The following MAGI2 variants were observed in gnomAD, a reference collection of about 807,000 sequenced individuals.
MAGI2 encodes membrane-associated guanylate kinase, WW and PDZ domain-containing protein 2.
A neutral mutation model predicts 133.3 loss-of-function variants in MAGI2; 35 were observed. The ratio of observed to expected loss-of-function variants is 0.26; its 90% confidence interval spans 0.20 to 0.35. The LOEUF (loss-of-function observed/expected upper bound fraction) is 0.35. Among genes scored for constraint, MAGI2 ranks in the 10% least tolerant of loss-of-function variants. The pLI, the probability that MAGI2 is intolerant of heterozygous loss-of-function variation, is 1.00. For missense variants in MAGI2, 1,636 were observed against 1,863.4 expected (o/e 0.88, Z 2.25); for synonymous variants, 729 against 710.6 (o/e 1.03, Z -0.41).
At chr7:79,061,252 C>T (rs1813698184) in intron 1 of MAGI2, among the ~76,000 whole-genome samples, 1 of 151,464 alleles carries the variant, frequency 6.6e-6, no homozygotes, top group Non-Finnish European at 1.5e-5. Flanking sequence ...ATTGTTAATG[C>T]TTACCTATCA....
At chr7:78,525,942 C>T (rs1796912457) in intron 3 of MAGI2, among the ~76,000 whole-genome samples, 1 of 152,082 alleles carries the variant, frequency 6.6e-6, no homozygotes, top group Non-Finnish European at 1.5e-5. Flanking sequence ...ATTAATGATA[C>T]TAAAAGGATA....
chr7:79,160,074 C>G (rs1824208215), intron 1 of MAGI2, among the ~76,000 whole-genome samples: 1 of 152,028 alleles, frequency 6.6e-6, no homozygotes, highest in Non-Finnish European at 1.5e-5. Flanking sequence ...TAAATTTCAT[C>G]TCAAAACCCT....
chr7:78,434,479 C>T (rs1044964847), intron 6 of MAGI2, among the ~76,000 whole-genome samples: 2 of 152,080 alleles, frequency 1.3e-5, no homozygotes, highest in East Asian at 3.9e-4. Context: ...TGGGCAGCTC[C>T]CCCTGGTGAG....
At chr7:78,241,272 A>G (rs1791106797) in intron 10 of MAGI2, among the ~76,000 whole-genome samples, 1 of 152,190 alleles carries the variant, frequency 6.6e-6, no homozygotes, top group Admixed American at 6.5e-5. Context: ...CAGTCAGAAG[A>G]TTCAGGTGTG....
chr7:79,126,651 G>A (rs1386591219), intron 1 of MAGI2, among the ~76,000 whole-genome samples: 3 of 151,906 alleles, frequency 2.0e-5, no homozygotes, highest in African/African-American at 7.2e-5. Context: ...TTCATTCATA[G>A]GTGCCTGAAA....
chr7:78,408,016 C>A (rs1797542948), intron 6 of MAGI2, among the ~76,000 whole-genome samples: 1 of 152,088 alleles, frequency 6.6e-6, no homozygotes, highest in Non-Finnish European at 1.5e-5. Context: ...GATAGTCTAA[C>A]TTTTCTGCCT....
At chr7:78,239,320 T>C (rs1289104611) in intron 10 of MAGI2, among the ~76,000 whole-genome samples, 2 of 151,936 alleles carry the variant, frequency 1.3e-5, no homozygotes, top group Admixed American at 6.6e-5. Context: ...GAAGAAAACA[T>C]AGGGGAAAAG....
intron 1 of MAGI2, among the ~76,000 whole-genome samples, chr7:79,311,405 C>T (rs1838281435): frequency 6.6e-6 from 1 of 152,118 alleles, no homozygotes; most frequent in African/African-American, 2.4e-5. Flanking sequence ...TGTTGTGCTG[C>T]ATTCAAAGTC....
At chr7:78,076,599 C>G (rs1255018525) in intron 21 of MAGI2, among the ~76,000 whole-genome samples, 1 of 151,586 alleles carries the variant, frequency 6.6e-6, no homozygotes, top group Non-Finnish European at 1.5e-5. Flanking sequence ...GTAATCCCAG[C>G]ACTTTGGGAG....
chr7:78,707,554 C>A (rs1313684135), intron 2 of MAGI2, among the ~76,000 whole-genome samples: 1 of 152,084 alleles, frequency 6.6e-6, no homozygotes, highest in African/African-American at 2.4e-5. Flanking sequence ...TATTTCTCTA[C>A]TTAGAAATTC....
At chr7:79,012,076 TC>T (rs1247218256) in intron 1 of MAGI2, 1 of 152,068 alleles carries the variant, frequency 6.6e-6, no homozygotes, top group East Asian at 1.9e-4. Context: ...TCAAAATGTT[TC>T]TTCCAGGAAA....
At chr7:79,064,068 T>C (rs541559560) in intron 1 of MAGI2, among the ~76,000 whole-genome samples, 3 of 152,084 alleles carry the variant, frequency 2.0e-5, no homozygotes, top group Non-Finnish European at 2.9e-5. Context: ...TGAGAAATTA[T>C]GTCTTTTGAG....
chr7:79,304,610 C>T (rs766570799), intron 1 of MAGI2, among the ~76,000 whole-genome samples: 14 of 152,118 alleles, frequency 9.2e-5, no homozygotes, highest in Non-Finnish European at 2.1e-4. Flanking sequence ...TTAGTCTGAG[C>T]CCAGCTCTTC....
chr7:78,155,289 A>G (rs1584177082), intron 16 of MAGI2, among the ~76,000 whole-genome samples: 1 of 152,320 alleles, frequency 6.6e-6, no homozygotes, highest in East Asian at 1.9e-4. Context: ...CAACATGCCC[A>G]GGATGCTTCC....
intron 6 of MAGI2, among the ~76,000 whole-genome samples, chr7:78,433,921 TTGAA>T (rs2151437814): frequency 1.3e-5 from 2 of 152,224 alleles, no homozygotes; most frequent in Admixed American, 1.3e-4. Context: ...TAGCTAATCA[TTGAA>T]TGAATGATTG....
At chr7:79,307,635 T>C (rs1837930005) in intron 1 of MAGI2, among the ~76,000 whole-genome samples, 1 of 152,188 alleles carries the variant, frequency 6.6e-6, no homozygotes, top group South Asian at 2.1e-4. Flanking sequence ...GAGGATATGA[T>C]ATAATCAGGA....
chr7:78,995,184 C>G (rs1260688498), intron 2 of MAGI2, among the ~76,000 whole-genome samples: 1 of 151,578 alleles, frequency 6.6e-6, no homozygotes, highest in Non-Finnish European at 1.5e-5. Flanking sequence ...AAAAAAATCA[C>G]AAAAAAATCT....
rs150716396 is a variant in MAGI2, at chr7:79,243,018, C to G, written c.301+210002G>C. Among the ~76,000 whole-genome samples the G allele has an allele frequency of 2.0e-3, 302 of 152,128 alleles. 1 individual carries two copies. Among genetic ancestry groups the G allele is most frequent in the African/African-American group, 6.7e-3 (277 of 41,492 alleles). ...ATCACTTGAGGTGAGGAGTTCAAGA[C>G]CAGCCTAGCCAACATGGTGAAACCC... On this transcript the variant is annotated intron_variant, in intron 1 of 21. Transcript: ENST00000354212.
At chr7:79,380,969 C>G (rs1843735034) in intron 1 of MAGI2, among the ~76,000 whole-genome samples, 1 of 151,714 alleles carries the variant, frequency 6.6e-6, no homozygotes, top group African/African-American at 2.4e-5. Context: ...GGGCTACTCT[C>G]TTTTTCAAAA....
Sources: allele counts gnomAD v4.1 joint callset (sites outside exome capture counted in the v4.1 genomes callset), GRCh38; gene constraint gnomAD v4.1.1; transcripts MANE v1.5; gene names NCBI Gene and HGNC (gene_info 2026-07-23, HGNC 2026-07-21).